The following PCDHGA5 variants were observed in gnomAD, a reference collection of about 807,000 sequenced individuals.
The protein encoded by PCDHGA5 is protocadherin gamma-A5.
In PCDHGA5, 36 loss-of-function variants were observed where a neutral mutation model predicts 56.7. That is an observed-to-expected ratio of 0.64 (90% CI 0.49 to 0.84). PCDHGA5 has a LOEUF of 0.84. Among genes scored for constraint, PCDHGA5 ranks in the 40% least tolerant of loss-of-function variants. PCDHGA5 has a pLI of 0.00. For missense variants in PCDHGA5, 1,305 were observed against 1,201.5 expected (o/e 1.09, Z -1.27); for synonymous variants, 563 against 520.2 (o/e 1.08, Z -1.12).
intron 1 of PCDHGA5, chr5:141,397,913 G>C (rs1429104427): frequency 1.4e-6 from 1 of 691,886 alleles, no homozygotes; most frequent in African/African-American, 1.8e-5. Flanking sequence ...TGGCGCTCCA[G>C]ATCTCCTCGC....
intron 1 of PCDHGA5, chr5:141,413,071 G>A (rs1589838233): frequency 1.7e-6 from 2 of 1,211,262 alleles, no homozygotes; most frequent in Admixed American, 2.8e-5. Flanking sequence ...AATTTAAAGT[G>A]CCCAGGCTAC....
chr5:141,403,661 G>C (rs2094439419), intron 1 of PCDHGA5: 1 of 1,613,904 alleles, frequency 6.2e-7, no homozygotes, highest in Non-Finnish European at 8.5e-7. Context: ...GGATACAAAT[G>C]ATAATGCCCC....
chr5:141,462,431 T>G (rs1345184304), intron 1 of PCDHGA5, among the ~76,000 whole-genome samples: 1 of 152,246 alleles, frequency 6.6e-6, no homozygotes, highest in East Asian at 1.9e-4. Context: ...TGGTGAGTGT[T>G]GCTTACACAC....
intron 1 of PCDHGA5, chr5:141,416,766 T>C (rs906070451): frequency 2.0e-5 from 3 of 152,212 alleles, no homozygotes; most frequent in African/African-American, 7.2e-5. Context: ...GATCTCTTAA[T>C]TTTATTACTA....
chr5:141,444,240 C>T (rs1017550385), intron 1 of PCDHGA5, among the ~76,000 whole-genome samples: 4 of 128,690 alleles, frequency 3.1e-5, no homozygotes, highest in African/African-American at 5.9e-5. Context: ...GGCATGCTCT[C>T]GGCTCACTGC....
intron 1 of PCDHGA5, chr5:141,385,324 G>A (rs1781124607): frequency 1.2e-6 from 2 of 1,607,160 alleles, no homozygotes; most frequent in Non-Finnish European, 1.7e-6. Flanking sequence ...AAGTATTCAG[G>A]TGAGCCCAGC....
At chr5:141,469,425 C>T (rs1035406646) in intron 1 of PCDHGA5, among the ~76,000 whole-genome samples, 1 of 151,622 alleles carries the variant, frequency 6.6e-6, no homozygotes, top group East Asian at 1.9e-4. Context: ...AAATATAAAA[C>T]TTAGCTGGGC....
At chr5:141,415,791 C>G (rs2095959265) in intron 1 of PCDHGA5, 4 of 1,341,886 alleles carry the variant, frequency 3.0e-6, no homozygotes, top group Admixed American at 8.1e-5. Context: ...GTAAAATTCA[C>G]CTAGTCTCAA....
chr5:141,467,535 G>C (rs2099145685), intron 1 of PCDHGA5, among the ~76,000 whole-genome samples: 1 of 152,176 alleles, frequency 6.6e-6, no homozygotes, highest in South Asian at 2.1e-4. Flanking sequence ...GCTGAGATAT[G>C]GATCTGATTA....
At chr5:141,376,367 G>A in intron 1 of PCDHGA5, 1 of 1,614,224 alleles carries the variant, frequency 6.2e-7, no homozygotes, top group Non-Finnish European at 8.5e-7. Context: ...ACTCACTGCA[G>A]ACTCGCGTAA....
chr5:141,397,909 T>G lies in PCDHGA5; in HGVS notation c.2421+31158T>G, dbSNP rs1004406261. On this transcript the variant is annotated intron_variant, in intron 1 of 3. Coordinates refer to ENST00000518069, the MANE Select transcript of PCDHGA5 (RefSeq NM_018918.3). Reference sequence around the variant, plus strand: ...TTGGCCAAAGTGCAGAGCTTGGCGCTCCAGATCTCCTCGCGCAGCCGCAGC... The same window carrying G: ...TTGGCCAAAGTGCAGAGCTTGGCGCGCCAGATCTCCTCGCGCAGCCGCAGC... 114 of 677,396 alleles carry G rather than the reference T, an allele frequency of 1.7e-4. No individual in the cohort carries two copies. In the East Asian group the frequency reaches 2.8e-3, roughly 17 times the overall value. The allele number at this position is 677,396 out of a possible 1,614,324, so 42.0% of individuals were successfully genotyped here. A position where few individuals can be genotyped will look rare whatever the true frequency, so the allele number is the denominator to read the frequency against.
At chr5:141,502,488 T>A (rs1273845698) in intron 2 of PCDHGA5, among the ~76,000 whole-genome samples, 1 of 152,236 alleles carries the variant, frequency 6.6e-6, no homozygotes, top group Non-Finnish European at 1.5e-5. Context: ...ACACTGGGAC[T>A]CATCTAACGT....
At chr5:141,384,927 C>A in intron 1 of PCDHGA5, 1 of 1,614,014 alleles carries the variant, frequency 6.2e-7, no homozygotes, top group Non-Finnish European at 8.5e-7. Flanking sequence ...CCGACCTGGG[C>A]AGCCTTGAGC....
chr5:141,419,494 T>A, intron 1 of PCDHGA5: 1 of 1,612,380 alleles, frequency 6.2e-7, no homozygotes, highest in Non-Finnish European at 8.5e-7. Context: ...TCAGCGCCAA[T>A]GTGAGCCTGC....
chr5:141,458,408 C>T (rs895785923), intron 1 of PCDHGA5, among the ~76,000 whole-genome samples: 3 of 151,932 alleles, frequency 2.0e-5, no homozygotes, highest in Non-Finnish European at 2.9e-5. Context: ...AGAGACGGAG[C>T]GGGGGTTCCA....
chr5:141,491,544 C>G lies in PCDHGA5; in HGVS notation c.2422-3263C>G, dbSNP rs546391464. The G allele has an allele frequency of 1.1e-5, 17 of 1,614,018 alleles. No individual in the cohort carries two copies. In the Admixed American group the frequency reaches 1.8e-4, roughly 17 times the overall value. Reference sequence around the variant, plus strand: ...TGGAGGTGACGCTGCGGCCCACAGACTCGCAGAGCCACTGCTACAGGACGT... The same window carrying G: ...TGGAGGTGACGCTGCGGCCCACAGAGTCGCAGAGCCACTGCTACAGGACGT... On this transcript the variant is annotated intron_variant, in intron 1 of 3. Transcript: ENST00000518069. The surrounding 1 kb of genome is among the most constrained non-coding windows in gnomAD (Gnocchi z 6.9).
chr5:141,489,894 G>A lies in PCDHGA5; in HGVS notation c.2422-4913G>A, dbSNP rs942456058. 33 of 1,614,204 alleles carry A rather than the reference G, an allele frequency of 2.0e-5. No individual in the cohort carries two copies. The highest frequency in any genetic ancestry group is 2.4e-5 in the Non-Finnish European group (28 of 1,180,028). Reference sequence around the variant, plus strand: ...TGGTGCTTACTGCTGTGGATGGGGGGACCCCAGCCCGCTCAGGGACCACCC... The same window carrying A: ...TGGTGCTTACTGCTGTGGATGGGGGAACCCCAGCCCGCTCAGGGACCACCC... On this transcript the variant is annotated intron_variant, in intron 1 of 3. Coordinates refer to ENST00000518069, the MANE Select transcript of PCDHGA5 (RefSeq NM_018918.3). This position sits in a 1 kb window ranked among gnomAD's most constrained non-coding sequence, Gnocchi z 4.5.
chr5:141,400,639 C>A, intron 1 of PCDHGA5: 1 of 1,310,186 alleles, frequency 7.6e-7, no homozygotes, highest in Non-Finnish European at 1.1e-6. Context: ...CAGAGCTGCT[C>A]AGAAAGCTGT....
At chr5:141,455,911 ATTTT>A (rs1404284843) in intron 1 of PCDHGA5, among the ~76,000 whole-genome samples, 2 of 114,614 alleles carry the variant, frequency 1.7e-5, no homozygotes, top group African/African-American at 3.3e-5. Context: ...TTATTTATTT[ATTTT>A]GAGACGGAGT....
Sources: allele counts gnomAD v4.1 joint callset (sites outside exome capture counted in the v4.1 genomes callset), GRCh38; gene constraint gnomAD v4.1.1; non-coding constraint Gnocchi (gnomAD v3.1); transcripts MANE v1.5; gene names NCBI Gene and HGNC (gene_info 2026-07-23, HGNC 2026-07-21).